The following TENM2 variants were observed in gnomAD, a reference collection of about 807,000 sequenced individuals.
The protein encoded by TENM2 is teneurin transmembrane protein 2.
Under a neutral mutation model 245.2 loss-of-function variants are expected in TENM2, and 52 were observed. The ratio of observed to expected loss-of-function variants is 0.21; its 90% CI spans 0.17 to 0.27. The LOEUF is 0.27. Ranked by LOEUF, TENM2 falls within the 10% of genes least tolerant of loss-of-function variation. The probability of loss-of-function intolerance (pLI) is 1.00; values close to 1 mark genes in which losing one functional copy is unlikely to be tolerated. For missense variants in TENM2, 3,046 were observed against 3,666.8 expected (o/e 0.83, Z 4.37); for synonymous variants, 1,363 against 1,438.9 (o/e 0.95, Z 1.19).
chr5:167,641,056 T>C (rs985409637), intron 2 of TENM2, among the ~76,000 whole-genome samples: 2 of 151,096 alleles, frequency 1.3e-5, no homozygotes, highest in African/African-American at 4.9e-5. Flanking sequence ...ATCCGTGTTT[T>C]ATCAAGCCCT....
At chr5:167,599,554 G>T (rs1776465084) in intron 2 of TENM2, among the ~76,000 whole-genome samples, 1 of 152,064 alleles carries the variant, frequency 6.6e-6, no homozygotes, top group African/African-American at 2.4e-5. Flanking sequence ...CGGTCCCCGT[G>T]GCAAAACTTA....
the TENM2 span, among the ~76,000 whole-genome samples, chr5:167,279,530 C>CTTCCTTCT: frequency 1.7e-3 from 227 of 134,304 alleles, 2 homozygotes; most frequent in Admixed American, 1.4e-3. Flanking sequence ...TCCTTCCTTC[C>CTTCCTTCT]TTCCTTCCTT....
At chr5:168,181,176 A>T (rs1759850508) in intron 13 of TENM2, among the ~76,000 whole-genome samples, 1 of 152,262 alleles carries the variant, frequency 6.6e-6, no homozygotes, top group African/African-American at 2.4e-5. Context: ...AGTGATTGTG[A>T]TGCTCATTAG....
At chr5:167,624,807 G>A (rs1778394893) in intron 2 of TENM2, among the ~76,000 whole-genome samples, 1 of 152,142 alleles carries the variant, frequency 6.6e-6, no homozygotes, top group South Asian at 2.1e-4. Flanking sequence ...ATAACAAGAA[G>A]AGTTGTTGGG....
chr5:167,280,943 A>G (rs144818819), upstream of TENM2, among the ~76,000 whole-genome samples: 260 of 151,946 alleles, frequency 1.7e-3, 2 homozygotes, highest in African/African-American at 5.8e-3. Context: ...TACATGTTTT[A>G]TTTATAATGT....
rs1247389337 is a variant in TENM2 at position 167,323,013 on chromosome 5, C to T, written c.226+37950C>T. On this transcript the variant is annotated intron_variant, in intron 1 of 28. Transcript: ENST00000518659. ...ATATCACTTAAAAATGTAAAACTGT[C>T]GCAGGGGCATTCTGGCCAACTGGCC... Among the ~76,000 whole-genome samples the T allele has an allele frequency of 5.3e-5, 8 of 152,304 alleles. No homozygotes were observed. In the East Asian group the frequency reaches 9.6e-4, roughly 18 times the overall value.
chr5:167,733,160 A>G (rs1284399108), intron 2 of TENM2, among the ~76,000 whole-genome samples: 2 of 152,110 alleles, frequency 1.3e-5, no homozygotes, highest in Non-Finnish European at 2.9e-5. Flanking sequence ...GGCGGAGTTG[A>G]TTGGTCACCT....
the TENM2 span, among the ~76,000 whole-genome samples, chr5:167,182,318 T>C: frequency 6.6e-6 from 1 of 152,130 alleles, no homozygotes; most frequent in Non-Finnish European, 1.5e-5. Flanking sequence ...GCTACAGTAC[T>C]TCAGTGTATC....
At chr5:167,408,097 T>C (rs1478699268) in intron 2 of TENM2, among the ~76,000 whole-genome samples, 1 of 152,152 alleles carries the variant, frequency 6.6e-6, no homozygotes, top group Non-Finnish European at 1.5e-5. Flanking sequence ...GGATTGTGTG[T>C]TATATTTGAA....
the TENM2 span, among the ~76,000 whole-genome samples, chr5:167,089,079 AG>A: frequency 1.0e-3 from 158 of 152,368 alleles, 1 homozygote; most frequent in African/African-American, 2.5e-3. Context: ...ACAAATGGAA[AG>A]TCTTCAAATA....
chr5:168,213,843 A>AG (rs1202270812), intron 20 of TENM2, among the ~76,000 whole-genome samples: 1 of 152,108 alleles, frequency 6.6e-6, no homozygotes, highest in Non-Finnish European at 1.5e-5. Flanking sequence ...ATAAAATAGC[A>AG]GGGGAAAATA....
chr5:167,943,461 G>T (rs1439682680), intron 3 of TENM2, among the ~76,000 whole-genome samples: 1 of 152,134 alleles, frequency 6.6e-6, no homozygotes, highest in African/African-American at 2.4e-5. Context: ...CTAAAGAATG[G>T]CATCTCAGTG....
At chr5:167,182,199 A>C in the TENM2 span, among the ~76,000 whole-genome samples, 6 of 152,164 alleles carry the variant, frequency 3.9e-5, no homozygotes, top group African/African-American at 1.4e-4. Flanking sequence ...TATTGACTTA[A>C]ATTTTAAAAA....
At chr5:167,635,385 T>C (rs1201886484) in intron 2 of TENM2, among the ~76,000 whole-genome samples, 8 of 152,108 alleles carry the variant, frequency 5.3e-5, no homozygotes, top group Admixed American at 3.9e-4. Flanking sequence ...CTTTCTTTTT[T>C]CTTTTTCTTT....
intron 3 of TENM2, among the ~76,000 whole-genome samples, chr5:167,882,085 C>T (rs1173709904): frequency 6.6e-6 from 1 of 152,212 alleles, no homozygotes; most frequent in Non-Finnish European, 1.5e-5. Context: ...TTTCTCCTCA[C>T]TCCTCTGTTA....
intron 5 of TENM2, among the ~76,000 whole-genome samples, chr5:168,031,700 G>C: frequency 7.0e-6 from 1 of 142,850 alleles, no homozygotes; most frequent in Non-Finnish European, 1.5e-5. Flanking sequence ...GCAAGGGAGG[G>C]AGGGAGGGGA....
intron 28 of TENM2, 110 bp downstream of exon 30, chr5:168,260,523 G>C: frequency 7.7e-7 from 1 of 1,299,804 alleles, no homozygotes. Context: ...TTGGAGCTGG[G>C]TATAAAAGGT....
the TENM2 span, among the ~76,000 whole-genome samples, chr5:167,269,644 G>T: frequency 3.3e-5 from 5 of 151,790 alleles, no homozygotes; most frequent in African/African-American, 1.2e-4. Context: ...AGTAAAAAAG[G>T]ATTTATATCA....
chr5:167,646,846 T>A (rs1780001039), intron 2 of TENM2, among the ~76,000 whole-genome samples: 1 of 152,224 alleles, frequency 6.6e-6, no homozygotes, highest in Admixed American at 6.5e-5. Context: ...GCAGCTATAA[T>A]TCAACTCAAG....
Sources: gnomAD v4.1 joint callset for allele counts (sites outside exome capture counted in the v4.1 genomes callset) on GRCh38, gnomAD v4.1.1 for gene constraint, MANE v1.5 for transcripts, NCBI Gene and HGNC (gene_info 2026-07-23, HGNC 2026-07-21) for gene names.